ITSN1: variants seen among roughly 807,000 people sequenced by gnomAD.
The protein encoded by ITSN1 is intersectin-1.
Under a neutral mutation model 239.8 loss-of-function variants are expected in ITSN1, and 58 were observed. The ratio of observed to expected loss-of-function variants is 0.24; its 90% confidence interval spans 0.20 to 0.30. The LOEUF (loss-of-function observed/expected upper bound fraction) is 0.30. Ranked by LOEUF, ITSN1 falls within the 10% of genes least tolerant of loss-of-function variation. The pLI is 1.00. For synonymous variants in ITSN1, 780 were observed against 770.8 expected, an observed-to-expected ratio of 1.01 and a Z score of -0.20; for missense variants, 1,558 against 2,103.3, an observed-to-expected ratio of 0.74 and a Z score of 5.07.
At chr21:33,644,476 T>A (rs557150613) in intron 1 of ITSN1, among the ~76,000 whole-genome samples, 2 of 152,346 alleles carry the variant, frequency 1.3e-5, no homozygotes, top group East Asian at 3.9e-4. Context: ...TTGAAATTGC[T>A]ACGGCGCATG....
chr21:33,710,805 GT>G lies in ITSN1; in HGVS notation c.-32-7978del, dbSNP rs200155196. ...GGCTTTCTTTTGGGGGAAGTTTTTTGTTTTTTTTTTTTTTCTTTTGAGACGG... is the reference window on the plus strand; with the variant it reads ...GGCTTTCTTTTGGGGGAAGTTTTTTGTTTTTTTTTTTTTCTTTTGAGACGG... On this transcript the variant is annotated intron_variant, in intron 1 of 39. Transcript: ENST00000381318. Among the ~76,000 whole-genome samples, 432 of 136,680 alleles carry G rather than the reference GT, an allele frequency of 3.2e-3. 7 individuals carry two copies. The East Asian group carries it at 0.055, about 18-fold the overall frequency. 89.7% of individuals were successfully genotyped at this position (136,680 alleles called of 152,430 possible). A position where few individuals can be genotyped will look rare whatever the true frequency, so the allele number is the denominator to read the frequency against.
intron 29 of ITSN1, among the ~76,000 whole-genome samples, chr21:33,852,192 G>A (rs1010338270): frequency 9.9e-5 from 15 of 152,208 alleles, no homozygotes; most frequent in African/African-American, 3.6e-4. Context: ...TGCGTCTCTT[G>A]GACTTCAGAG....
At chr21:33,844,625 C>T (rs975979571) in intron 29 of ITSN1, among the ~76,000 whole-genome samples, 1 of 152,300 alleles carries the variant, frequency 6.6e-6, no homozygotes, top group African/African-American at 2.4e-5. Flanking sequence ...TTAATTCCCT[C>T]CCTGCCCACT....
intron 29 of ITSN1, among the ~76,000 whole-genome samples, chr21:33,850,428 C>T (rs573824258): frequency 8.5e-5 from 13 of 152,326 alleles, no homozygotes; most frequent in Non-Finnish European, 4.4e-5. Flanking sequence ...TCTCCAGACC[C>T]CATTAAAAAT....
chr21:33,752,754 G>A (rs1330311226), intron 7 of ITSN1, among the ~76,000 whole-genome samples: 10 of 151,702 alleles, frequency 6.6e-5, no homozygotes, highest in Non-Finnish European at 1.3e-4. Context: ...GAGGATGGCT[G>A]GAGCCAGGGA....
intron 1 of ITSN1, among the ~76,000 whole-genome samples, chr21:33,653,331 T>A (rs1294965781): frequency 6.6e-6 from 1 of 151,956 alleles, no homozygotes; most frequent in African/African-American, 2.4e-5. Flanking sequence ...AGCTGTTCAG[T>A]GAATGTTTGA....
At chr21:33,714,044 A>G (rs1305301441) in intron 1 of ITSN1, among the ~76,000 whole-genome samples, 1 of 151,714 alleles carries the variant, frequency 6.6e-6, no homozygotes, top group Non-Finnish European at 1.5e-5. Flanking sequence ...GTTAGCCAGG[A>G]TGGTCTCCAT....
chr21:33,885,244 A>G (rs1377123468), intron 37 of ITSN1, 121 bp downstream of exon 37: 4 of 1,010,888 alleles, frequency 4.0e-6, no homozygotes, highest in Non-Finnish European at 4.6e-6. Flanking sequence ...ATGGAATGAG[A>G]TGGAAGTGAG....
At chr21:33,748,989 CT>C (rs10714954) in intron 5 of ITSN1, among the ~76,000 whole-genome samples, 70,483 of 140,294 alleles carry the variant, frequency 0.5, 17,925 homozygotes, top group East Asian at 0.81. Flanking sequence ...AGCTTTTTTA[CT>C]TTTTTTTTTT....
At chr21:33,771,200 T>C (rs1352405064) in intron 11 of ITSN1, among the ~76,000 whole-genome samples, 2 of 152,176 alleles carry the variant, frequency 1.3e-5, no homozygotes, top group Non-Finnish European at 2.9e-5. Flanking sequence ...AGGAAGTCTG[T>C]CTAAAGCAGT....
At chr21:33,818,238 G>C (rs761221559) in intron 22 of ITSN1, 29 bp from the exon 23 acceptor site, 1 of 1,596,242 alleles carries the variant, frequency 6.3e-7, no homozygotes, top group African/African-American at 1.3e-5. Context: ...GCAACATAAC[G>C]AGAGGTCCTT....
chr21:33,795,647 G>C (rs1416360815), intron 17 of ITSN1, among the ~76,000 whole-genome samples: 1 of 151,650 alleles, frequency 6.6e-6, no homozygotes, highest in Non-Finnish European at 1.5e-5. Flanking sequence ...GTTTTCTTGG[G>C]GGTCAGACTA....
intron 1 of ITSN1, among the ~76,000 whole-genome samples, chr21:33,649,286 T>G (rs977877113): frequency 6.6e-6 from 1 of 152,196 alleles, no homozygotes; most frequent in African/African-American, 2.4e-5. Context: ...TGTAGAGAGA[T>G]ATCATCCACT....
chr21:33,691,829 A>T (rs1260486163), intron 1 of ITSN1, among the ~76,000 whole-genome samples: 1 of 152,176 alleles, frequency 6.6e-6, no homozygotes, highest in Non-Finnish European at 1.5e-5. Flanking sequence ...AATCCCATTC[A>T]TGAAGGCTCC....
chr21:33,734,452 G>A (rs1321280747), intron 4 of ITSN1, among the ~76,000 whole-genome samples: 1 of 152,148 alleles, frequency 6.6e-6, no homozygotes, highest in African/African-American at 2.4e-5. Context: ...CTAAAGAAAA[G>A]TTAGTTTCAA....
chr21:33,825,871 T>C (rs958145563), intron 25 of ITSN1, among the ~76,000 whole-genome samples: 1 of 152,182 alleles, frequency 6.6e-6, no homozygotes, highest in African/African-American at 2.4e-5. Flanking sequence ...ATAAGCAAAA[T>C]AAAGAGACTG....
At chr21:33,758,524 C>G (rs2147599628) in intron 8 of ITSN1, among the ~76,000 whole-genome samples, 1 of 148,226 alleles carries the variant, frequency 6.7e-6, no homozygotes, top group African/African-American at 2.5e-5. Flanking sequence ...GTTGCATGCC[C>G]TTAAAAGAGA....
intron 14 of ITSN1, among the ~76,000 whole-genome samples, chr21:33,780,264 T>C (rs561115330): frequency 6.6e-6 from 1 of 152,352 alleles, no homozygotes; most frequent in East Asian, 1.9e-4. Context: ...GATTGATGTT[T>C]AGACTGTTCA....
intron 1 of ITSN1, among the ~76,000 whole-genome samples, chr21:33,691,741 T>A (rs2091556873): frequency 6.6e-6 from 1 of 152,138 alleles, no homozygotes; most frequent in Non-Finnish European, 1.5e-5. Context: ...AGGGCCCTCT[T>A]TGTGGTGTGC....
Sources: allele counts gnomAD v4.1 joint callset (sites outside exome capture counted in the v4.1 genomes callset), GRCh38; gene constraint gnomAD v4.1.1; transcripts MANE v1.5; gene names NCBI Gene and HGNC (gene_info 2026-07-23, HGNC 2026-07-21).